Variants in RANBP10 observed in about 807,000 individuals in gnomAD.
RANBP10 encodes RAN binding protein 10.
In RANBP10, 24 loss-of-function variants were observed where a neutral mutation model predicts 72.8. The ratio of observed to expected loss-of-function variants is 0.33; its 90% confidence interval spans 0.24 to 0.46. The LOEUF (loss-of-function observed/expected upper bound fraction) is 0.46, where lower values mean the gene tolerates loss of function less well. Among genes scored for constraint, RANBP10 ranks in the 20% least tolerant of loss-of-function variants. The pLI is 1.00. For synonymous variants in RANBP10, 310 were observed against 322.3 expected (o/e 0.96, Z 0.41); for missense variants, 679 against 817.5 (o/e 0.83, Z 2.07).
chr16:67,777,429 G>A (rs1206084806), intron 2 of RANBP10, among the ~76,000 whole-genome samples: 1 of 152,020 alleles, frequency 6.6e-6, no homozygotes, highest in Non-Finnish European at 1.5e-5. Flanking sequence ...CCAGCTACGG[G>A]GGAGGCTGAG....
chr16:67,781,157 G>A (rs1185936908), intron 2 of RANBP10, among the ~76,000 whole-genome samples: 1 of 152,216 alleles, frequency 6.6e-6, no homozygotes, highest in Non-Finnish European at 1.5e-5. Flanking sequence ...GGTGGATGAT[G>A]GGACAACCCC....
At chr16:67,773,443 T>C (rs1019178457) in intron 2 of RANBP10, among the ~76,000 whole-genome samples, 4 of 152,168 alleles carry the variant, frequency 2.6e-5, no homozygotes, top group African/African-American at 9.7e-5. Context: ...TTTATAGTAA[T>C]ATAAAAAAGG....
intron 3 of RANBP10, among the ~76,000 whole-genome samples, chr16:67,749,581 C>T (rs1469496651): frequency 1.3e-5 from 2 of 152,224 alleles, no homozygotes; most frequent in Non-Finnish European, 2.9e-5. Flanking sequence ...TGAGCATCAA[C>T]TCAGCTCCTA....
chr16:67,759,413 T>C (rs1329697191), intron 3 of RANBP10, among the ~76,000 whole-genome samples: 3 of 152,164 alleles, frequency 2.0e-5, no homozygotes, highest in African/African-American at 2.4e-5. Context: ...AGGCACCCTA[T>C]AGGCTTGAAC....
intron 6 of RANBP10, among the ~76,000 whole-genome samples, chr16:67,732,607 AT>A (rs1168697626): frequency 6.6e-6 from 1 of 152,182 alleles, no homozygotes; most frequent in Non-Finnish European, 1.5e-5. Context: ...GATATATTAC[AT>A]AATATTATAG....
Position 67,740,098 on chromosome 16 carries a change from CT to C in RANBP10, c.569-2064del, listed in dbSNP as rs892700613. 9.3e-3 allele frequency among the ~76,000 whole-genome samples: 1,218 copies of C among 131,248 alleles called. 4 individuals are homozygous for C. The highest frequency in any genetic ancestry group is 0.032 in the South Asian group (129 of 4,056). The allele number at this position is 131,248 out of a possible 152,430, so 86.1% of individuals were successfully genotyped here. A position where few individuals can be genotyped will look rare whatever the true frequency, so the allele number is the denominator to read the frequency against. ...GCAAGCTCCGCCTCCCAGGTTCACA[CT>C]TTTTTTTTTTTTTTTTTCCCTGAGA... is the stretch of plus-strand genomic sequence containing the variant. On this transcript the variant is annotated intron_variant, in intron 4 of 13. Transcript: ENST00000317506.
In RANBP10 at chr16:67,743,308, T is replaced by A. The variant is rs150436947; in HGVS notation, c.568+980A>T. Among the ~76,000 whole-genome samples the A allele has an allele frequency of 6.9e-3, 1,047 of 152,294 alleles. 14 individuals are homozygous for A. The highest frequency in any genetic ancestry group is 0.023 in the African/African-American group (952 of 41,560). On this transcript the variant is annotated intron_variant, in intron 4 of 13. Transcript: ENST00000317506. Reference sequence around the variant, plus strand: ...GCTGCTGGCAGCTGGGCTGGTAGAGTTCTGCCAGTCCTCTCCTCACTATAC... The same window carrying A: ...GCTGCTGGCAGCTGGGCTGGTAGAGATCTGCCAGTCCTCTCCTCACTATAC...
At chr16:67,747,618 C>T (rs942438330) in intron 3 of RANBP10, among the ~76,000 whole-genome samples, 19 of 152,122 alleles carry the variant, frequency 1.2e-4, no homozygotes, top group African/African-American at 4.6e-4. Context: ...ATTCTCCCAC[C>T]TCAGACTTCC....
In RANBP10 at chr16:67,744,275, C is replaced by T; in HGVS notation, c.568+13G>A. On this transcript the variant is annotated intron_variant, in intron 4 of 13. Coordinates refer to ENST00000317506, the MANE Select transcript of RANBP10 (RefSeq NM_020850.3). ...CCACAGAGCAGAGCCTCCAAGGTCC[C>T]TTATGCACACACCAAGGCTGTGGCC... is the stretch of plus-strand genomic sequence containing the variant. The T allele has an allele frequency of 6.2e-7, 1 of 1,612,756 alleles. No homozygotes were observed. The highest frequency in any genetic ancestry group is 8.5e-7 in the Non-Finnish European group (1 of 1,179,136).
At chr16:67,767,622 C>A (rs898139865) in intron 3 of RANBP10, among the ~76,000 whole-genome samples, 2 of 149,406 alleles carry the variant, frequency 1.3e-5, no homozygotes, top group South Asian at 2.1e-4. Flanking sequence ...TTTGAGACGG[C>A]GTCTCGCTCT....
intron 2 of RANBP10, among the ~76,000 whole-genome samples, chr16:67,776,747 G>A (rs1031672290): frequency 1.3e-5 from 2 of 150,564 alleles, no homozygotes; most frequent in African/African-American, 4.9e-5. Context: ...ACTCCAGCCT[G>A]GGTGACAGAG....
intron 6 of RANBP10, among the ~76,000 whole-genome samples, chr16:67,734,564 C>G (rs2053801584): frequency 6.6e-6 from 1 of 152,180 alleles, no homozygotes; most frequent in African/African-American, 2.4e-5. Context: ...GCAAAATCCT[C>G]TGCAAAATGA....
chr16:67,728,230 T>G (rs1226673190), intron 11 of RANBP10, among the ~76,000 whole-genome samples, 160 bp downstream of exon 11: 2 of 152,172 alleles, frequency 1.3e-5, no homozygotes, highest in Admixed American at 1.3e-4. Flanking sequence ...TGGAGCCACC[T>G]CAAGGACCCA....
At chr16:67,734,601 G>T (rs1227398469) in intron 6 of RANBP10, among the ~76,000 whole-genome samples, 1 of 152,200 alleles carries the variant, frequency 6.6e-6, no homozygotes, top group Admixed American at 6.5e-5. Context: ...AGCCCTGCTG[G>T]TGATCTTATA....
intron 3 of RANBP10, among the ~76,000 whole-genome samples, chr16:67,752,642 TTATA>T (rs908062975): frequency 2.0e-5 from 3 of 150,794 alleles, no homozygotes; most frequent in Non-Finnish European, 4.4e-5. Flanking sequence ...GGTATATACC[TTATA>T]TATATATATA....
chr16:67,749,045 A>G (rs1022931282), intron 3 of RANBP10, among the ~76,000 whole-genome samples: 11 of 152,312 alleles, frequency 7.2e-5, no homozygotes, highest in Admixed American at 2.6e-4. Context: ...AAACATTCAC[A>G]GCACATGTTG....
chr16:67,805,341 G>T (rs1597939179), intron 2 of RANBP10, 87 bp downstream of exon 2: 3 of 1,204,528 alleles, frequency 2.5e-6, no homozygotes, highest in South Asian at 1.4e-5. Flanking sequence ...GCTCACATCA[G>T]CAACAAGTGC....
intron 2 of RANBP10, among the ~76,000 whole-genome samples, chr16:67,788,346 A>C (rs1352512049): frequency 6.6e-6 from 1 of 150,466 alleles, no homozygotes; most frequent in Admixed American, 6.6e-5. Flanking sequence ...TCCGCCTCCC[A>C]GGTTCACACC....
intron 2 of RANBP10, among the ~76,000 whole-genome samples, chr16:67,775,465 G>C (rs978960199): frequency 1.3e-5 from 2 of 152,074 alleles, no homozygotes; most frequent in Non-Finnish European, 2.9e-5. Flanking sequence ...GGAATGAAAG[G>C]CATCCAAATT....
Sources: allele counts gnomAD v4.1 joint callset (sites outside exome capture counted in the v4.1 genomes callset), GRCh38; gene constraint gnomAD v4.1.1; transcripts MANE v1.5; gene names NCBI Gene and HGNC (gene_info 2026-07-23, HGNC 2026-07-21).